RALYL: variants seen among roughly 807,000 people sequenced by gnomAD.
RALYL encodes RNA-binding Raly-like protein.
In RALYL, 29 loss-of-function variants were observed where a neutral mutation model predicts 35.1. That is an observed-to-expected ratio of 0.83 (90% CI 0.61 to 1.13). The LOEUF (loss-of-function observed/expected upper bound fraction) is 1.13. RALYL is among the 50% of genes most tolerant of loss of function. The probability of loss-of-function intolerance (pLI) is 0.00; values close to 1 mark genes in which losing one functional copy is unlikely to be tolerated. For synonymous variants in RALYL, 120 were observed against 127.6 expected, an observed-to-expected ratio of 0.94 and a Z score of 0.40; for missense variants, 359 against 360.4, an observed-to-expected ratio of 1.00 and a Z score of 0.03.
At chr8:84,480,732 G>A (rs2053957081) in intron 1 of RALYL, among the ~76,000 whole-genome samples, 1 of 152,098 alleles carries the variant, frequency 6.6e-6, no homozygotes, top group Non-Finnish European at 1.5e-5. Flanking sequence ...GTAGAAAGTA[G>A]AAGGACTAGT....
intron 2 of RALYL, among the ~76,000 whole-genome samples, chr8:84,766,570 T>TAAAA (rs1554577678): frequency 2.2e-5 from 3 of 137,556 alleles, no homozygotes; most frequent in African/African-American, 2.7e-5. Context: ...AATAAATAAA[T>TAAAA]AAAATTAGCC....
intron 1 of RALYL, among the ~76,000 whole-genome samples, chr8:84,307,519 T>G (rs932269040): frequency 2.1e-4 from 32 of 152,342 alleles, no homozygotes; most frequent in African/African-American, 7.5e-4. Context: ...TTTTAAATTA[T>G]TTCATTGATT....
chr8:84,545,508 G>A (rs918994322), intron 2 of RALYL, among the ~76,000 whole-genome samples: 3 of 152,038 alleles, frequency 2.0e-5, no homozygotes, highest in Admixed American at 2.0e-4. Flanking sequence ...AACATAAAGG[G>A]TTGACAACTT....
rs144108589 is a variant in RALYL at position 84,301,526 on chromosome 8, C to T, written c.-24+117102C>T. 3.1e-4 allele frequency among the ~76,000 whole-genome samples: 47 copies of T among 152,090 alleles called. No homozygotes were observed. In the East Asian group the frequency reaches 5.4e-3, roughly 18 times the overall value. On this transcript the variant is annotated intron_variant, in intron 1 of 8. Coordinates refer to ENST00000521268, the MANE Select transcript of RALYL (RefSeq NM_173848.7). ...CCATTTCTTACTTTTAACGATAGTG[C>T]GAGGCCATAAAAATGACTGTATGTT...
chr8:84,789,893 A>G (rs1309775747), intron 3 of RALYL, among the ~76,000 whole-genome samples: 1 of 152,242 alleles, frequency 6.6e-6, no homozygotes, highest in Non-Finnish European at 1.5e-5. Context: ...AATTGAGTAT[A>G]GAAAAGTTGC....
At chr8:84,848,418 T>C (rs987571056) in intron 4 of RALYL, among the ~76,000 whole-genome samples, 23 of 142,152 alleles carry the variant, frequency 1.6e-4, no homozygotes, top group Non-Finnish European at 3.3e-4. Context: ...TGTGTGTGTA[T>C]ATATATATGT....
intron 1 of RALYL, among the ~76,000 whole-genome samples, chr8:84,477,474 A>T (rs1350157162): frequency 6.7e-6 from 1 of 149,544 alleles, no homozygotes; most frequent in East Asian, 2.0e-4. Context: ...ACTGGAGGTT[A>T]TCATTATTGA....
chr8:84,459,819 A>G (rs1255229875), intron 1 of RALYL, among the ~76,000 whole-genome samples: 2 of 151,806 alleles, frequency 1.3e-5, no homozygotes, highest in Admixed American at 1.3e-4. Context: ...TCATCTGCGA[A>G]GCTATAAGGA....
At position 84,367,318 on chromosome 8, in the gene RALYL, A is replaced by AAT. The variant is rs1854572226; in HGVS notation, c.-23-161981_-23-161980insAT. On this transcript the variant is annotated intron_variant, in intron 1 of 8. Coordinates refer to ENST00000521268, the MANE Select transcript of RALYL (RefSeq NM_173848.7). ...GCCATCCTGCCCAACTAATTTTTGT[A>AAT]TTTTTTTTTTTTTTTTTTTTTTTTT... 1.8e-4 allele frequency among the ~76,000 whole-genome samples: 5 copies of AAT among 27,400 alleles called. 2 individuals are homozygous for AAT. The highest frequency in any genetic ancestry group is 1.0e-3 in the Admixed American group (2 of 1,974). 18.0% of individuals were successfully genotyped at this position (27,400 alleles called of 152,430 possible). A position where few individuals can be genotyped will look rare whatever the true frequency, so the allele number is the denominator to read the frequency against.
At chr8:84,698,097 T>C (rs1440886557) in intron 2 of RALYL, among the ~76,000 whole-genome samples, 3 of 152,094 alleles carry the variant, frequency 2.0e-5, no homozygotes, top group Non-Finnish European at 4.4e-5. Flanking sequence ...GGTACAGTTT[T>C]TGCAGCTCAC....
At chr8:84,530,422 C>T (rs534011126) in intron 2 of RALYL, among the ~76,000 whole-genome samples, 5 of 151,870 alleles carry the variant, frequency 3.3e-5, no homozygotes, top group African/African-American at 1.2e-4. Flanking sequence ...ATTTTCCATA[C>T]CCTCAACCTT....
chr8:84,504,376 T>C (rs750988273), intron 1 of RALYL, among the ~76,000 whole-genome samples: 4 of 152,114 alleles, frequency 2.6e-5, no homozygotes, highest in Non-Finnish European at 4.4e-5. Context: ...CGTGGAACTG[T>C]GAAATGCTAT....
intron 2 of RALYL, among the ~76,000 whole-genome samples, chr8:84,686,524 C>A (rs1033030863): frequency 1.3e-5 from 2 of 152,150 alleles, no homozygotes; most frequent in African/African-American, 4.8e-5. Flanking sequence ...CCTGCCTCAG[C>A]CTCCTGAGTG....
intron 2 of RALYL, among the ~76,000 whole-genome samples, chr8:84,628,176 T>A (rs546330810): frequency 4.6e-5 from 7 of 152,230 alleles, no homozygotes; most frequent in Admixed American, 3.9e-4. Flanking sequence ...CTTAAGTAAC[T>A]CTTTCCTCTT....
At chr8:84,585,975 T>G (rs985703855) in intron 2 of RALYL, among the ~76,000 whole-genome samples, 3 of 152,038 alleles carry the variant, frequency 2.0e-5, no homozygotes, top group African/African-American at 7.2e-5. Flanking sequence ...GGCAGGCAGA[T>G]CATGAGGTCA....
chr8:84,218,884 G>A (rs895324714), intron 1 of RALYL, among the ~76,000 whole-genome samples: 1 of 152,074 alleles, frequency 6.6e-6, no homozygotes, highest in African/African-American at 2.4e-5. Context: ...CACAGAAGGG[G>A]TGCTGATGTA....
At chr8:84,238,305 T>A (rs973304678) in intron 1 of RALYL, among the ~76,000 whole-genome samples, 3 of 152,126 alleles carry the variant, frequency 2.0e-5, no homozygotes, top group Non-Finnish European at 2.9e-5. Flanking sequence ...ATGAGGGAAA[T>A]TATTTTGTTG....
At chr8:84,488,083 A>G (rs1359326319) in intron 1 of RALYL, among the ~76,000 whole-genome samples, 2 of 152,118 alleles carry the variant, frequency 1.3e-5, no homozygotes, top group Non-Finnish European at 2.9e-5. Context: ...TACAAGGTAG[A>G]GTAACAGGAA....
intron 8 of RALYL, among the ~76,000 whole-genome samples, chr8:84,906,220 T>C (rs1433219292): frequency 6.6e-6 from 1 of 152,156 alleles, no homozygotes; most frequent in African/African-American, 2.4e-5. Context: ...TATTTTTTAA[T>C]GCTCCAAATA....
Sources: gnomAD v4.1 joint callset for allele counts (sites outside exome capture counted in the v4.1 genomes callset) on GRCh38, gnomAD v4.1.1 for gene constraint, MANE v1.5 for transcripts, NCBI Gene and HGNC (gene_info 2026-07-23, HGNC 2026-07-21) for gene names.